KIAA2012: variants seen among roughly 807,000 people sequenced by gnomAD.
KIAA2012 encodes the protein KIAA2012, also known as uncharacterized protein KIAA2012.
Under a neutral mutation model 150.6 loss-of-function variants are expected in KIAA2012, and 125 were observed. That is an observed-to-expected ratio of 0.83 (90% confidence interval 0.72 to 0.96). The LOEUF is 0.96. Ranked by LOEUF, KIAA2012 falls within the 40% of genes least tolerant of loss-of-function variation. KIAA2012 has a pLI of 0.00. For missense variants in KIAA2012, 1,219 were observed against 1,354.9 expected, an observed-to-expected ratio of 0.90 and a Z score of 1.57; for synonymous variants, 462 against 504.7, an observed-to-expected ratio of 0.92 and a Z score of 1.13.
chr2:202,174,112 C>T (rs1251794361), intron 15 of KIAA2012, among the ~76,000 whole-genome samples: 1 of 152,144 alleles, frequency 6.6e-6, no homozygotes, highest in Non-Finnish European at 1.5e-5. Flanking sequence ...ATTACAGTTG[C>T]TCACCACCGC....
chr2:202,089,241 G>T (rs1231123603), intron 2 of KIAA2012, among the ~76,000 whole-genome samples: 1 of 152,184 alleles, frequency 6.6e-6, no homozygotes, highest in African/African-American at 2.4e-5. Flanking sequence ...TGTTACATGA[G>T]ATAACAAACT....
At chr2:202,198,378 G>A (rs886615870) in intron 22 of KIAA2012, among the ~76,000 whole-genome samples, 1 of 152,132 alleles carries the variant, frequency 6.6e-6, no homozygotes, top group Non-Finnish European at 1.5e-5. Flanking sequence ...AGACTGGCAT[G>A]TTGGAAGAAT....
At position 202,080,510 on chromosome 2, in the gene KIAA2012, A is replaced by G. The variant is rs530061318; in HGVS notation, c.369+5335A>G. ...GAAGTTCAAGACCGGCCTGACCAAC[A>G]TGGAGAAACCCCGTCTCTACTAAAA... On this transcript the variant is annotated intron_variant, in intron 2 of 23. Transcript: ENST00000498697. 1.1e-4 allele frequency among the ~76,000 whole-genome samples: 17 copies of G among 152,240 alleles called. No individual in the cohort carries two copies. The South Asian group carries it at 2.5e-3, about 22-fold the overall frequency.
chr2:202,131,904 G>A (rs372131092), intron 12 of KIAA2012, among the ~76,000 whole-genome samples: 9 of 152,210 alleles, frequency 5.9e-5, no homozygotes, highest in South Asian at 4.2e-4. Context: ...GGCCTGGTGC[G>A]GTGGCTCATG....
At chr2:202,151,690 C>T (rs983182688) in intron 13 of KIAA2012, among the ~76,000 whole-genome samples, 4 of 152,156 alleles carry the variant, frequency 2.6e-5, no homozygotes, top group Admixed American at 6.5e-5. Flanking sequence ...TAATAAATAT[C>T]AGTTTAATGG....
chr2:202,123,402 T>C (rs1232314047), intron 11 of KIAA2012, among the ~76,000 whole-genome samples: 1 of 152,214 alleles, frequency 6.6e-6, no homozygotes, highest in African/African-American at 2.4e-5. Flanking sequence ...TTAATGTTTG[T>C]TCTCATTTCC....
chr2:202,091,806 C>G (rs1689731877), intron 3 of KIAA2012, among the ~76,000 whole-genome samples: 2 of 152,210 alleles, frequency 1.3e-5, no homozygotes, highest in African/African-American at 2.4e-5. Context: ...CAACAACAAA[C>G]AGCCAGGACT....
intron 15 of KIAA2012, among the ~76,000 whole-genome samples, chr2:202,172,802 C>G (rs940489727): frequency 6.6e-6 from 1 of 152,172 alleles, no homozygotes; most frequent in Non-Finnish European, 1.5e-5. Flanking sequence ...GGTGGTGCCA[C>G]TCACCAGAAT....
chr2:202,099,205 G>T (rs1195911281), intron 5 of KIAA2012, among the ~76,000 whole-genome samples: 1 of 152,022 alleles, frequency 6.6e-6, no homozygotes, highest in Non-Finnish European at 1.5e-5. Context: ...GCCCAGGCTG[G>T]TCTCAAACTC....
chr2:202,094,053 G>T (rs1689801136), intron 4 of KIAA2012, among the ~76,000 whole-genome samples: 1 of 152,226 alleles, frequency 6.6e-6, no homozygotes, highest in African/African-American at 2.4e-5. Flanking sequence ...AGGCCAAGGA[G>T]GGAGGATTAC....
chr2:202,099,576 A>G, intron 5 of KIAA2012, 37 bp from the exon 6 acceptor site: 1 of 1,504,074 alleles, frequency 6.6e-7, no homozygotes, highest in Non-Finnish European at 8.9e-7. Flanking sequence ...CCTTTATGAC[A>G]GCCTGTTTAC....
chr2:202,074,146 G>T (rs1689269725), intron 1 of KIAA2012, among the ~76,000 whole-genome samples: 1 of 151,482 alleles, frequency 6.6e-6, no homozygotes, highest in African/African-American at 2.4e-5. Flanking sequence ...ATTTAATATA[G>T]GCCAAAAAAA....
At chr2:202,159,847 AAAT>A (rs1306131330) in intron 14 of KIAA2012, among the ~76,000 whole-genome samples, 1 of 152,190 alleles carries the variant, frequency 6.6e-6, no homozygotes, top group African/African-American at 2.4e-5. Flanking sequence ...TGTCTCAAAA[AAAT>A]AATAATAATA....
chr2:202,177,607 G>T (rs1692022850), intron 15 of KIAA2012, among the ~76,000 whole-genome samples: 1 of 152,092 alleles, frequency 6.6e-6, no homozygotes, highest in Non-Finnish European at 1.5e-5. Flanking sequence ...GGCTCAACCT[G>T]AATTCCTGGA....
intron 19 of KIAA2012, among the ~76,000 whole-genome samples, chr2:202,192,527 G>A (rs996616717): frequency 1.3e-5 from 2 of 148,806 alleles, no homozygotes; most frequent in East Asian, 2.0e-4. Context: ...GCGCAATCTC[G>A]GCTCACCGCA....
chr2:202,139,626 C>G (rs1034797885), intron 13 of KIAA2012, among the ~76,000 whole-genome samples: 1 of 152,352 alleles, frequency 6.6e-6, no homozygotes, highest in Non-Finnish European at 1.5e-5. Context: ...GACCTGAACT[C>G]TCTGTGACAA....
intron 5 of KIAA2012, among the ~76,000 whole-genome samples, chr2:202,098,789 CGTGTGTGTGTGTGT>C (rs10536026): frequency 2.0e-5 from 3 of 148,514 alleles, no homozygotes; most frequent in South Asian, 2.2e-4. Flanking sequence ...ACTCTAAGGC[CGTGTGTGTGTGTGT>C]GTGTGTGTGT....
At chr2:202,169,754 A>C (rs1691847153) in intron 15 of KIAA2012, among the ~76,000 whole-genome samples, 1 of 152,178 alleles carries the variant, frequency 6.6e-6, no homozygotes. Context: ...TCGTATGCCC[A>C]CTGATGTCTG....
intron 4 of KIAA2012, among the ~76,000 whole-genome samples, chr2:202,093,485 C>A (rs949782): frequency 0.2 from 30,646 of 152,108 alleles, 4,057 homozygotes; most frequent in Non-Finnish European, 0.29. Context: ...TAATTTATAT[C>A]TAAATAACCA....
Sources: gnomAD v4.1 joint callset for allele counts (sites outside exome capture counted in the v4.1 genomes callset) on GRCh38, gnomAD v4.1.1 for gene constraint, MANE v1.5 for transcripts, NCBI Gene and HGNC (gene_info 2026-07-23, HGNC 2026-07-21) for gene names.